The following UBXN2B variants were observed in gnomAD, a reference collection of about 807,000 sequenced individuals.
UBXN2B encodes UBX domain protein 2B, also known as UBX domain-containing protein 2B.
Under a neutral mutation model 37.5 loss-of-function variants are expected in UBXN2B, and 19 were observed. The ratio of observed to expected loss-of-function variants is 0.51; its 90% CI spans 0.35 to 0.74. The LOEUF (loss-of-function observed/expected upper bound fraction) is 0.74. UBXN2B is among the 30% of genes least tolerant of loss of function. The pLI is 0.01. For missense variants in UBXN2B, 370 were observed against 393.2 expected (o/e 0.94, Z 0.50); for synonymous variants, 145 against 143.8 (o/e 1.01, Z -0.06).
At chr8:58,441,399 A>ATATATGTATGTATGTG (rs1172484903) in intron 6 of UBXN2B, among the ~76,000 whole-genome samples, 3 of 148,142 alleles carry the variant, frequency 2.0e-5, no homozygotes, top group Non-Finnish European at 4.5e-5. Flanking sequence ...GTATGTGTAT[A>ATATATGTATGTATGTG]TATAGTATGT....
Position 58,419,211 on chromosome 8 carries a change from CT to C in UBXN2B, c.188+2265del, listed in dbSNP as rs201577324. Among the ~76,000 whole-genome samples, 704 of 152,248 alleles carry C rather than the reference CT, an allele frequency of 4.6e-3. 3 individuals carry two copies. The highest frequency in any genetic ancestry group is 0.013 in the African/African-American group (527 of 41,558). On this transcript the variant is annotated intron_variant, in intron 2 of 7. Transcript: ENST00000399598. ...CAATGTATAGCAGATTGTTCGCAAT[CT>C]TTTTTTCTACGTATGATATCTTCTA...
At chr8:58,425,682 A>G (rs111496210) in intron 2 of UBXN2B, 1 of 1,168,020 alleles carries the variant, frequency 8.6e-7, no homozygotes, top group Non-Finnish European at 1.3e-6. Flanking sequence ...TAGTTCTCGA[A>G]TTCTGCTATT....
intron 3 of UBXN2B, among the ~76,000 whole-genome samples, chr8:58,432,894 TA>T (rs1257094241): frequency 6.6e-6 from 1 of 151,574 alleles, no homozygotes; most frequent in African/African-American, 2.4e-5. Context: ...CGTGTCTTTT[TA>T]AAAAAGCCTC....
chr8:58,422,366 C>A (rs1807951205), intron 2 of UBXN2B, among the ~76,000 whole-genome samples: 1 of 152,198 alleles, frequency 6.6e-6, no homozygotes, highest in African/African-American at 2.4e-5. Flanking sequence ...TCTAGGCCTT[C>A]CTTTCAGGAG....
chr8:58,431,034 CTCTG>C (rs1322079941), intron 3 of UBXN2B, among the ~76,000 whole-genome samples: 1 of 152,162 alleles, frequency 6.6e-6, no homozygotes, highest in African/African-American at 2.4e-5. Flanking sequence ...TGGCATTTCT[CTCTG>C]TCTATGTCCT....
intron 1 of UBXN2B, among the ~76,000 whole-genome samples, chr8:58,414,495 T>G (rs1476472528): frequency 6.6e-6 from 1 of 152,236 alleles, no homozygotes; most frequent in Non-Finnish European, 1.5e-5. Context: ...TATCAATACT[T>G]TACTTACATA....
At position 58,419,249 on chromosome 8, in the gene UBXN2B, A is replaced by G. The variant is rs76765601; in HGVS notation, c.188+2296A>G. Among the ~76,000 whole-genome samples, 1,227 of 152,300 alleles carry G rather than the reference A, an allele frequency of 8.1e-3. 12 individuals are homozygous for G. The highest frequency in any genetic ancestry group is 0.013 in the Non-Finnish European group (868 of 68,020). On this transcript the variant is annotated intron_variant, in intron 2 of 7. Coordinates refer to ENST00000399598, the MANE Select transcript of UBXN2B (RefSeq NM_001077619.2). Reference sequence around the variant, plus strand: ...TATGATATCTTCTAATGCTAAGTGTATACTTCCTTTGATTTCATATTCAAT... The same window carrying G: ...TATGATATCTTCTAATGCTAAGTGTGTACTTCCTTTGATTTCATATTCAAT...
chr8:58,425,196 G>C (rs914599179), intron 2 of UBXN2B: 2 of 930,256 alleles, frequency 2.1e-6, no homozygotes, highest in Non-Finnish European at 3.6e-6. Flanking sequence ...AGTTGTGAGC[G>C]GTGCTTTCTC....
chr8:58,419,508 C>G (rs1585596129), intron 2 of UBXN2B, among the ~76,000 whole-genome samples: 1 of 152,174 alleles, frequency 6.6e-6, no homozygotes, highest in East Asian at 1.9e-4. Context: ...AGGATATAGT[C>G]TGATGCCTGT....
intron 2 of UBXN2B, chr8:58,425,827 A>T: frequency 8.5e-7 from 1 of 1,174,004 alleles, no homozygotes; most frequent in East Asian, 2.3e-5. Context: ...CTCCACCAAC[A>T]TCGTATTTCA....
In UBXN2B at chr8:58,448,713, A is replaced by G. The variant is rs1468452041; in HGVS notation, c.*1162A>G. The G allele has an allele frequency of 6.6e-6, 1 of 152,594 alleles. No individual in the cohort carries two copies. The highest frequency in any genetic ancestry group is 1.5e-5 in the Non-Finnish European group (1 of 68,036). 9.5% of individuals were successfully genotyped at this position (152,594 alleles called of 1,614,324 possible). A position where few individuals can be genotyped will look rare whatever the true frequency, so the allele number is the denominator to read the frequency against. On this transcript the variant is annotated 3_prime_UTR_variant, in exon 8 of 8. Transcript: ENST00000399598. Reference sequence around the variant, plus strand: ...AAATTCTGTCAGACGGACTAGATCTAAAGAATTACCAGCATAAATGTTTGC... The same window carrying G: ...AAATTCTGTCAGACGGACTAGATCTGAAGAATTACCAGCATAAATGTTTGC...
At chr8:58,436,015 ATAAAG>A (rs1465177845) in intron 5 of UBXN2B, among the ~76,000 whole-genome samples, 1 of 152,236 alleles carries the variant, frequency 6.6e-6, no homozygotes, top group East Asian at 1.9e-4. Context: ...TATTGAAGAA[ATAAAG>A]TAATTTATTA....
At chr8:58,412,340 C>T (rs1176760585) in intron 1 of UBXN2B, among the ~76,000 whole-genome samples, 2 of 152,134 alleles carry the variant, frequency 1.3e-5, no homozygotes, top group African/African-American at 4.8e-5. Flanking sequence ...AATCCTTAGT[C>T]GGTGCTGAAC....
intron 3 of UBXN2B, among the ~76,000 whole-genome samples, chr8:58,431,490 G>A (rs1352154567): frequency 1.3e-5 from 2 of 152,060 alleles, no homozygotes; most frequent in African/African-American, 2.4e-5. Context: ...TATTTTAGTT[G>A]CCAGCTTTTG....
At chr8:58,431,034 C>G (rs1034776524) in intron 3 of UBXN2B, among the ~76,000 whole-genome samples, 2 of 152,162 alleles carry the variant, frequency 1.3e-5, no homozygotes, top group African/African-American at 4.8e-5. Context: ...TGGCATTTCT[C>G]TCTGTCTATG....
chr8:58,416,080 C>T (rs894946382), intron 1 of UBXN2B, among the ~76,000 whole-genome samples: 6 of 148,672 alleles, frequency 4.0e-5, no homozygotes, highest in African/African-American at 1.5e-4. Context: ...AAAAAAAAAC[C>T]GGAGATTATG....
chr8:58,425,366 T>G, intron 2 of UBXN2B: 3 of 1,138,352 alleles, frequency 2.6e-6, no homozygotes, highest in Non-Finnish European at 4.0e-6. Flanking sequence ...TTCACCATGT[T>G]TTGCAGGCAG....
intron 2 of UBXN2B, among the ~76,000 whole-genome samples, chr8:58,423,896 T>G (rs1808002251): frequency 6.6e-6 from 1 of 151,666 alleles, no homozygotes; most frequent in African/African-American, 2.4e-5. Flanking sequence ...CACCACAACC[T>G]TCTCAGTCAA....
At chr8:58,425,406 C>G in intron 2 of UBXN2B, 1 of 1,136,592 alleles carries the variant, frequency 8.8e-7, no homozygotes, top group African/African-American at 1.5e-5. Flanking sequence ...TCTTCTTGGG[C>G]TTTGAATTGT....
Sources: gnomAD v4.1 joint callset for allele counts (sites outside exome capture counted in the v4.1 genomes callset) on GRCh38, gnomAD v4.1.1 for gene constraint, MANE v1.5 for transcripts, NCBI Gene and HGNC (gene_info 2026-07-23, HGNC 2026-07-21) for gene names.